Variants in PLXNA4 observed in about 807,000 individuals in gnomAD.
The protein encoded by PLXNA4 is plexin-A4.
PLXNA4 carries 44 observed loss-of-function variants against 191.8 expected under a neutral mutation model. The ratio of observed to expected loss-of-function variants is 0.23; its 90% CI spans 0.18 to 0.29. The LOEUF (loss-of-function observed/expected upper bound fraction) is 0.29. Ranked by LOEUF, PLXNA4 falls within the 10% of genes least tolerant of loss-of-function variation. The pLI, the probability that PLXNA4 is intolerant of heterozygous loss-of-function variation, is 1.00. For missense variants in PLXNA4, 1,800 were observed against 2,488.8 expected, an observed-to-expected ratio of 0.72 and a Z score of 5.89; for synonymous variants, 1,082 against 1,009.5, an observed-to-expected ratio of 1.07 and a Z score of -1.36.
intron 3 of PLXNA4, among the ~76,000 whole-genome samples, chr7:132,333,447 T>G (rs898981562): frequency 1.3e-5 from 2 of 152,026 alleles, no homozygotes; most frequent in African/African-American, 4.8e-5. Context: ...CAGGCAACCA[T>G]GAGTAATCTA....
At chr7:132,517,676 C>T (rs1798995392) in intron 1 of PLXNA4, among the ~76,000 whole-genome samples, 1 of 152,134 alleles carries the variant, frequency 6.6e-6, no homozygotes, top group African/African-American at 2.4e-5. Flanking sequence ...TCCCTTGTTT[C>T]CAAAGCCAGA....
chr7:132,185,687 T>A (rs73499368), intron 15 of PLXNA4, among the ~76,000 whole-genome samples: 1 of 152,234 alleles, frequency 6.6e-6, no homozygotes, highest in African/African-American at 2.4e-5. Context: ...TCCCTGGGTC[T>A]GTCTTTGGCC....
chr7:132,441,003 AAAGT>A (rs1394089314), intron 3 of PLXNA4, among the ~76,000 whole-genome samples: 1 of 152,236 alleles, frequency 6.6e-6, no homozygotes, highest in African/African-American at 2.4e-5. Flanking sequence ...AAATCCATGC[AAAGT>A]AAGTATTATT....
At chr7:132,350,348 A>T (rs887233160) in intron 3 of PLXNA4, among the ~76,000 whole-genome samples, 7 of 152,016 alleles carry the variant, frequency 4.6e-5, no homozygotes, top group Non-Finnish European at 7.4e-5. Flanking sequence ...CTACTAAAAA[A>T]TACAAAAGTT....
intron 25 of PLXNA4, among the ~76,000 whole-genome samples, 165 bp from the exon 26 acceptor site, chr7:132,148,811 G>GAGGCCCTGAGTTCCAGAA (rs1795510074): frequency 6.6e-6 from 1 of 152,192 alleles, no homozygotes; most frequent in Non-Finnish European, 1.5e-5. Context: ...TCAACGCAGA[G>GAGGCCCTGAGTTCCAGAA]AGGCCCTGAG....
At chr7:132,549,541 G>GGGCC (rs1800462422) in intron 1 of PLXNA4, among the ~76,000 whole-genome samples, 1 of 152,114 alleles carries the variant, frequency 6.6e-6, no homozygotes, top group East Asian at 1.9e-4. Context: ...CAAGATTTTT[G>GGGCC]AAAGCTGGAA....
intron 1 of PLXNA4, among the ~76,000 whole-genome samples, chr7:132,528,460 G>A (rs1034100007): frequency 2.0e-5 from 3 of 152,200 alleles, no homozygotes; most frequent in African/African-American, 7.2e-5. Flanking sequence ...ATAAGCCAAT[G>A]ATTCCCAGCA....
intron 14 of PLXNA4, among the ~76,000 whole-genome samples, chr7:132,191,669 C>A (rs1797090765): frequency 6.6e-6 from 1 of 152,128 alleles, no homozygotes; most frequent in Non-Finnish European, 1.5e-5. Flanking sequence ...TTTGGCCATG[C>A]AGCAGTTTCC....
chr7:132,552,066 CATGCAGCCAAG>C (rs1205069751), intron 1 of PLXNA4, among the ~76,000 whole-genome samples: 1 of 152,206 alleles, frequency 6.6e-6, no homozygotes, highest in Non-Finnish European at 1.5e-5. Flanking sequence ...CAATGCTGCA[CATGCAGCCAAG>C]ATGCAGCCGA....
In PLXNA4 at chr7:132,244,245, CCT is replaced by C. The variant is rs1243392168; in HGVS notation, c.1504-3081_1504-3080del. Among the ~76,000 whole-genome samples the C allele has an allele frequency of 9.2e-5, 14 of 152,094 alleles. No homozygotes were observed. In the South Asian group the frequency reaches 1.2e-3, roughly 14 times the overall value. ...AACTGGGCGCGTTAGGTCTGAATTC[CCT>C]CTCAGTCCTAACATCCTAAGCTCCT... On this transcript the variant is annotated intron_variant, in intron 4 of 31. Transcript: ENST00000321063.
At chr7:132,635,170 T>TTATATATATATATA (rs3037811) in intron 2 of PLXNA4, among the ~76,000 whole-genome samples, 25 of 131,812 alleles carry the variant, frequency 1.9e-4, no homozygotes, top group South Asian at 2.8e-4. Flanking sequence ...AAACTCCCCT[T>TTATATATATATATA]TATATATATA....
chr7:132,642,740 A>G (rs1016136323), intron 2 of PLXNA4, among the ~76,000 whole-genome samples: 1 of 152,204 alleles, frequency 6.6e-6, no homozygotes, highest in Non-Finnish European at 1.5e-5. Flanking sequence ...CGTTTCATCC[A>G]TAAGGGGCTG....
At chr7:132,409,902 GC>G (rs1794380535) in intron 3 of PLXNA4, among the ~76,000 whole-genome samples, 1 of 152,190 alleles carries the variant, frequency 6.6e-6, no homozygotes, top group Non-Finnish European at 1.5e-5. Context: ...AAGGGTTAAT[GC>G]CTGGCCCGGC....
chr7:132,289,937 A>G (rs2071606504), intron 4 of PLXNA4, among the ~76,000 whole-genome samples: 1 of 152,190 alleles, frequency 6.6e-6, no homozygotes, highest in Non-Finnish European at 1.5e-5. Context: ...TATGCTATAA[A>G]GCAAGGTGGC....
chr7:132,387,116 G>T (rs544339435), intron 3 of PLXNA4, among the ~76,000 whole-genome samples: 8 of 152,170 alleles, frequency 5.3e-5, no homozygotes, highest in African/African-American at 1.9e-4. Context: ...CTAACAACTC[G>T]TTCACAGAGT....
Position 132,194,191 on chromosome 7 carries a change from A to T in PLXNA4, c.2739-12T>A. 1 of 1,609,388 alleles carries T rather than the reference A, an allele frequency of 6.2e-7. No individual in the cohort carries two copies. The highest frequency in any genetic ancestry group is 8.5e-7 in the Non-Finnish European group (1 of 1,176,666). On this transcript the variant is annotated splice_polypyrimidine_tract_variant and intron_variant, in intron 13 of 31. Transcript: ENST00000321063. Reference sequence around the variant, plus strand: ...TCTCACACACGATCCTGCAGGGAGGATAGGAGAAATCCCATGGGTCACAGG... The same window carrying T: ...TCTCACACACGATCCTGCAGGGAGGTTAGGAGAAATCCCATGGGTCACAGG...
At chr7:132,138,673 G>A (rs1279195870) in intron 30 of PLXNA4, among the ~76,000 whole-genome samples, 2 of 152,184 alleles carry the variant, frequency 1.3e-5, no homozygotes, top group Non-Finnish European at 2.9e-5. Context: ...GCTAAGACAC[G>A]AGTGGGATAG....
chr7:132,529,262 A>G (rs1799530240), intron 1 of PLXNA4, among the ~76,000 whole-genome samples: 1 of 152,064 alleles, frequency 6.6e-6, no homozygotes, highest in Non-Finnish European at 1.5e-5. Context: ...ATAGCAGAAA[A>G]CACCTGCTAC....
At chr7:132,624,303 G>C (rs964560780) in intron 2 of PLXNA4, among the ~76,000 whole-genome samples, 1 of 152,148 alleles carries the variant, frequency 6.6e-6, no homozygotes, top group Non-Finnish European at 1.5e-5. Flanking sequence ...TATTCATTAA[G>C]ATCATAGCAA....
Sources: allele counts gnomAD v4.1 joint callset (sites outside exome capture counted in the v4.1 genomes callset), GRCh38; gene constraint gnomAD v4.1.1; transcripts MANE v1.5; gene names NCBI Gene and HGNC (gene_info 2026-07-23, HGNC 2026-07-21).